The following MINPP1 variants were observed in gnomAD, a reference collection of about 807,000 sequenced individuals.
MINPP1 encodes multiple inositol-polyphosphate phosphatase 1.
Under a neutral mutation model 46.1 loss-of-function variants are expected in MINPP1, and 28 were observed. The observed-to-expected ratio is 0.61, with a 90% CI of 0.45 to 0.83. The LOEUF is 0.83. Ranked by LOEUF, MINPP1 falls within the 40% of genes least tolerant of loss-of-function variation. The pLI, the probability that MINPP1 is intolerant of heterozygous loss-of-function variation, is 0.00. For missense variants in MINPP1, 603 were observed against 610.0 expected, an observed-to-expected ratio of 0.99 and a Z score of 0.12; for synonymous variants, 268 against 249.1, an observed-to-expected ratio of 1.08 and a Z score of -0.72.
chr10:87,552,539 T>TC lies in MINPP1; in HGVS notation c.*61_*62insC. The TC allele has an allele frequency of 1.3e-6, 2 of 1,519,274 alleles. No individual in the cohort carries two copies. The highest frequency in any genetic ancestry group is 1.8e-6 in the Non-Finnish European group (2 of 1,105,330). 94.1% of individuals were successfully genotyped at this position (1,519,274 alleles called of 1,614,324 possible). ...GCAATGAGTGATTACATGCTTGTAA[T>TC]AGGTAGGCAATTCCTTGATTACAGG... On this transcript the variant is annotated 3_prime_UTR_variant, in exon 5 of 5. Coordinates refer to ENST00000371996, the MANE Select transcript of MINPP1 (RefSeq NM_004897.5).
chr10:87,527,335 C>T (rs577725484), intron 4 of MINPP1, among the ~76,000 whole-genome samples: 1 of 152,268 alleles, frequency 6.6e-6, no homozygotes, highest in South Asian at 2.1e-4. Context: ...GAGAAGGCAT[C>T]CCTGTCTTGT....
intron 3 of MINPP1, among the ~76,000 whole-genome samples, chr10:87,517,695 A>G (rs1407405162): frequency 6.6e-6 from 1 of 152,188 alleles, no homozygotes; most frequent in African/African-American, 2.4e-5. Context: ...GTTGCTATGA[A>G]CATTATTGTA....
chr10:87,532,348 T>C (rs1851672616), intron 4 of MINPP1, among the ~76,000 whole-genome samples: 1 of 152,254 alleles, frequency 6.6e-6, no homozygotes, highest in Non-Finnish European at 1.5e-5. Context: ...GCACTGTGGC[T>C]CTTACAGTCT....
intron 4 of MINPP1, among the ~76,000 whole-genome samples, chr10:87,547,470 C>T (rs7475365): frequency 6.6e-5 from 10 of 152,158 alleles, no homozygotes; most frequent in Non-Finnish European, 1.3e-4. Context: ...ATTATTTACT[C>T]TACTCCTCAT....
chr10:87,515,594 A>G (rs1851401756), intron 3 of MINPP1, among the ~76,000 whole-genome samples: 1 of 152,160 alleles, frequency 6.6e-6, no homozygotes, highest in Non-Finnish European at 1.5e-5. Context: ...AAAATAATTT[A>G]TCCCTGCTTA....
At chr10:87,549,022 G>A (rs1851926938) in intron 4 of MINPP1, among the ~76,000 whole-genome samples, 2 of 152,264 alleles carry the variant, frequency 1.3e-5, no homozygotes, top group South Asian at 4.1e-4. Flanking sequence ...ATGGTTTACT[G>A]TGAGAATCTA....
In MINPP1 at chr10:87,505,596, C is replaced by T. The variant is rs1291161336; in HGVS notation, c.637+44C>T. On this transcript the variant is annotated intron_variant, in intron 1 of 4. Transcript: ENST00000371996. This position sits in a 1 kb window ranked among gnomAD's most constrained non-coding sequence, Gnocchi z 4.4. ...CGTGTGCTGTCCCGGTCCTCCCACCCGCCCTGGATGCTCTCCCGCCTCCCC... is the reference window on the plus strand; with the variant it reads ...CGTGTGCTGTCCCGGTCCTCCCACCTGCCCTGGATGCTCTCCCGCCTCCCC... 1.3e-6 allele frequency: 2 copies of T among 1,556,964 alleles called. No individual in the cohort carries two copies. Among genetic ancestry groups the T allele is most frequent in the South Asian group, 1.2e-5 (1 of 86,052 alleles).
chr10:87,525,169 C>T (rs1851558152), intron 4 of MINPP1, among the ~76,000 whole-genome samples: 1 of 152,160 alleles, frequency 6.6e-6, no homozygotes, highest in African/African-American at 2.4e-5. Flanking sequence ...ACTTAAAGTG[C>T]ACAATTCAGT....
intron 4 of MINPP1, among the ~76,000 whole-genome samples, chr10:87,548,818 A>G (rs1449793550): frequency 6.6e-6 from 1 of 152,012 alleles, no homozygotes. Flanking sequence ...CCTTTAAGAT[A>G]TTGGGGGTTT....
intron 4 of MINPP1, among the ~76,000 whole-genome samples, chr10:87,540,100 G>A (rs1360016546): frequency 1.3e-5 from 2 of 152,138 alleles, no homozygotes; most frequent in African/African-American, 4.8e-5. Flanking sequence ...AAACTCCTGG[G>A]CTCAAGCAGT....
At chr10:87,540,602 A>G (rs1851802757) in intron 4 of MINPP1, among the ~76,000 whole-genome samples, 1 of 152,156 alleles carries the variant, frequency 6.6e-6, no homozygotes, top group South Asian at 2.1e-4. Context: ...GCTTGTTCAT[A>G]GACCAGCTTT....
rs903916542 is a variant in MINPP1, at chr10:87,506,103, C to T, written c.637+551C>T. On this transcript the variant is annotated intron_variant, in intron 1 of 4. Coordinates refer to ENST00000371996, the MANE Select transcript of MINPP1 (RefSeq NM_004897.5). ...CTGTTTTAGGAACCTGATCTCAAGC[C>T]TTTGTGTCCTCCTTTTTTCTTCTGT... is the stretch of plus-strand genomic sequence containing the variant. Among the ~76,000 whole-genome samples the T allele has an allele frequency of 2.6e-5, 4 of 151,578 alleles. 1 individual carries two copies. In the South Asian group the frequency reaches 8.4e-4, roughly 32 times the overall value.
In MINPP1 at chr10:87,505,188, C is replaced by T; in HGVS notation, c.273C>T (p.Thr91=). The change falls in exon 1 of 5, where the codon ACC becomes ACT. Residue 91 remains threonine (T), a synonymous_variant. Coordinates refer to ENST00000371996, the MANE Select transcript of MINPP1 (RefSeq NM_004897.5). This position sits in a 1 kb window ranked among gnomAD's most constrained non-coding sequence, Gnocchi z 4.4. ...VQLVALIRHG[T]RYPTVKQIRK... is the part of the protein sequence containing the mutation. Reference sequence around the variant, plus strand: ...TGGTCGCCCTCATTCGCCACGGCACCCGCTACCCCACGGTCAAACAGATCC... The same window carrying T: ...TGGTCGCCCTCATTCGCCACGGCACTCGCTACCCCACGGTCAAACAGATCC... The T allele has an allele frequency of 6.2e-7, 1 of 1,609,390 alleles. No individual in the cohort carries two copies. Among genetic ancestry groups the T allele is most frequent in the Non-Finnish European group, 8.5e-7 (1 of 1,178,004 alleles).
chr10:87,538,232 C>T (rs1404782391), intron 4 of MINPP1, among the ~76,000 whole-genome samples: 1 of 151,966 alleles, frequency 6.6e-6, no homozygotes, highest in Non-Finnish European at 1.5e-5. Flanking sequence ...TGGTCTGCAG[C>T]ACTCTCTTCT....
chr10:87,545,428 G>T (rs1851872823), intron 4 of MINPP1, among the ~76,000 whole-genome samples: 1 of 150,762 alleles, frequency 6.6e-6, no homozygotes, highest in African/African-American at 2.4e-5. Context: ...TTTGTTTTAG[G>T]TGATTATATG....
chr10:87,534,635 A>T (rs565666959), intron 4 of MINPP1, among the ~76,000 whole-genome samples: 83 of 152,304 alleles, frequency 5.4e-4, no homozygotes, highest in African/African-American at 1.9e-3. Context: ...TGGAGAGTAT[A>T]CCTACTCTGT....
intron 4 of MINPP1, among the ~76,000 whole-genome samples, chr10:87,538,778 A>AT (rs1851773605): frequency 6.6e-6 from 1 of 152,238 alleles, no homozygotes. Context: ...GTAAAGCTGT[A>AT]TTTGATATTC....
At chr10:87,507,931 T>C in intron 1 of MINPP1, 2 of 1,279,806 alleles carry the variant, frequency 1.6e-6, no homozygotes, top group East Asian at 7.2e-5. Flanking sequence ...ATACTCTGTT[T>C]AGACTTTGGC....
intron 4 of MINPP1, among the ~76,000 whole-genome samples, chr10:87,528,908 A>G (rs1021644776): frequency 4.9e-4 from 74 of 152,132 alleles, no homozygotes; most frequent in Non-Finnish European, 9.6e-4. Flanking sequence ...TTGGGTGCAT[A>G]TATATTTGGG....
Sources: gnomAD v4.1 joint callset for allele counts (sites outside exome capture counted in the v4.1 genomes callset) on GRCh38, gnomAD v4.1.1 for gene constraint, Gnocchi (gnomAD v3.1) non-coding constraint, MANE v1.5 for transcripts, NCBI Gene and HGNC (gene_info 2026-07-23, HGNC 2026-07-21) for gene names.